Variants in ADAMTS9 observed in about 807,000 individuals in gnomAD.
ADAMTS9 encodes the protein ADAM metallopeptidase with thrombospondin type 1 motif 9.
In ADAMTS9, 107 loss-of-function variants were observed where a neutral mutation model predicts 257.1. The ratio of observed to expected loss-of-function variants is 0.42; its 90% confidence interval spans 0.36 to 0.49. ADAMTS9 has a LOEUF of 0.49. Ranked by LOEUF, ADAMTS9 falls within the 20% of genes least tolerant of loss-of-function variation. ADAMTS9 has a pLI of 0.03. For synonymous variants in ADAMTS9, 982 were observed against 880.9 expected, an observed-to-expected ratio of 1.11 and a Z score of -2.03; for missense variants, 2,353 against 2,469.1, an observed-to-expected ratio of 0.95 and a Z score of 1.00.
chr3:64,585,216 T>C (rs2084116700), intron 28 of ADAMTS9, among the ~76,000 whole-genome samples: 2 of 152,208 alleles, frequency 1.3e-5, no homozygotes, highest in African/African-American at 4.8e-5. Context: ...TTTCTTCCTC[T>C]GTCCTAGCTA....
chr3:64,687,007 T>C lies in ADAMTS9; in HGVS notation c.116-39A>G. The C allele has an allele frequency of 6.4e-7, 1 of 1,571,436 alleles. No individual in the cohort carries two copies. The highest frequency in any genetic ancestry group is 8.6e-7 in the Non-Finnish European group (1 of 1,160,406). On this transcript the variant is annotated intron_variant, in intron 1 of 39. Transcript: ENST00000498707. The surrounding 1 kb of genome is among the most constrained non-coding windows in gnomAD (Gnocchi z 4.4). ...CAGAGGTATATGAACCAATAATTCA[T>C]TTTTCCTTAAGCTTTAATTTAAAAC...
chr3:64,619,370 G>A (rs1700047838), intron 19 of ADAMTS9, among the ~76,000 whole-genome samples: 1 of 152,112 alleles, frequency 6.6e-6, no homozygotes, highest in African/African-American at 2.4e-5. Flanking sequence ...GAATCCATGA[G>A]TAACACTCAT....
chr3:64,536,598 C>A (rs925872454), intron 37 of ADAMTS9, among the ~76,000 whole-genome samples: 1 of 152,180 alleles, frequency 6.6e-6, no homozygotes, highest in Admixed American at 6.5e-5. Flanking sequence ...AGGTTCAAAT[C>A]CAGACTCTAC....
At chr3:64,609,692 G>C (rs955316002) in intron 22 of ADAMTS9, among the ~76,000 whole-genome samples, 1 of 152,066 alleles carries the variant, frequency 6.6e-6, no homozygotes, top group African/African-American at 2.4e-5. Context: ...GTATTGCTAA[G>C]GTGACAATAT....
Position 64,594,282 on chromosome 3 carries a change from T to A in ADAMTS9, c.4332A>T (p.Ala1444=), listed in dbSNP as rs1326283918. Reference sequence around the variant, plus strand: ...CCGAGCTCCAAGGGCCAGTACTCCATGCAGCGTCGTGTGGACAAGCATGTG... The same window carrying A: ...CCGAGCTCCAAGGGCCAGTACTCCAAGCAGCGTCGTGTGGACAAGCATGTG... The part of the protein sequence containing the change: ...CNTHACPHDA[A]WSTGPWSSCS... Residue 1444 remains alanine (A), a synonymous_variant, in exon 28 of 40, where the codon GCA becomes GCT. Coordinates refer to ENST00000498707, the MANE Select transcript of ADAMTS9 (RefSeq NM_182920.2). The A allele has an allele frequency of 6.2e-7, 1 of 1,613,962 alleles. No homozygotes were observed. Among genetic ancestry groups the A allele is most frequent in the Non-Finnish European group, 8.5e-7 (1 of 1,179,910 alleles).
intron 2 of ADAMTS9, chr3:64,684,939 G>A (rs1449900107): frequency 6.6e-6 from 1 of 152,142 alleles, no homozygotes; most frequent in Non-Finnish European, 1.5e-5. Flanking sequence ...TGGAATCTAG[G>A]GGCACTCCAG....
intron 30 of ADAMTS9, among the ~76,000 whole-genome samples, chr3:64,556,667 A>C (rs148343270): frequency 3.3e-4 from 50 of 152,234 alleles, no homozygotes; most frequent in Non-Finnish European, 6.6e-4. Flanking sequence ...TATTCTATAG[A>C]GTGAAAGATG....
At chr3:64,537,405 T>G (rs1326195358) in intron 37 of ADAMTS9, among the ~76,000 whole-genome samples, 2 of 152,202 alleles carry the variant, frequency 1.3e-5, no homozygotes, top group Non-Finnish European at 2.9e-5. Context: ...CCAATGGGGT[T>G]TTTGAAGCCA....
chr3:64,687,752 C>A lies in ADAMTS9; in HGVS notation c.-95G>T, dbSNP rs1701959287. 3.0e-6 allele frequency: 3 copies of A among 1,007,012 alleles called. No individual in the cohort carries two copies. The highest frequency in any genetic ancestry group is 4.1e-6 in the Non-Finnish European group (3 of 731,012). The allele number at this position is 1,007,012 out of a possible 1,614,324, so 62.4% of individuals were successfully genotyped here. On this transcript the variant is annotated 5_prime_UTR_variant, in exon 1 of 40. Transcript: ENST00000498707. The surrounding 1 kb of genome is among the most constrained non-coding windows in gnomAD (Gnocchi z 4.4). ...CGCGAGGCAGCGGCCGTGGAGAGCGCGCGGAGCCCGGCGCCCGCCGCCAAC... is the reference window on the plus strand; with the variant it reads ...CGCGAGGCAGCGGCCGTGGAGAGCGAGCGGAGCCCGGCGCCCGCCGCCAAC...
chr3:64,584,117 G>A (rs1384163600), intron 28 of ADAMTS9: 1 of 152,088 alleles, frequency 6.6e-6, no homozygotes. Context: ...TGGGCTAGGT[G>A]GGGCTTTTAT....
chr3:64,681,374 A>T lies in ADAMTS9; in HGVS notation c.517-11T>A. On this transcript the variant is annotated splice_polypyrimidine_tract_variant and intron_variant, in intron 2 of 39. Coordinates refer to ENST00000498707, the MANE Select transcript of ADAMTS9 (RefSeq NM_182920.2). ...CCGGAATGTGCCCAGCTGCAAATGA[A>T]GAGAGATGGGAGGTTGATTTAACGT... is the stretch of plus-strand genomic sequence containing the variant. 2 of 1,606,612 alleles carry T rather than the reference A, an allele frequency of 1.2e-6. No homozygotes were observed. The highest frequency in any genetic ancestry group is 8.5e-7 in the Non-Finnish European group (1 of 1,176,850).
intron 28 of ADAMTS9, among the ~76,000 whole-genome samples, chr3:64,571,121 A>G (rs2083674417): frequency 6.6e-6 from 1 of 152,210 alleles, no homozygotes; most frequent in Admixed American, 6.5e-5. Flanking sequence ...TTAGTAATCT[A>G]CTGTGGTCAT....
chr3:64,615,894 G>T, intron 20 of ADAMTS9, 66 bp downstream of exon 20: 1 of 1,587,252 alleles, frequency 6.3e-7, no homozygotes, highest in Non-Finnish European at 8.6e-7. Flanking sequence ...TTACACACCT[G>T]CAAGGAGCCA....
At chr3:64,550,493 C>G (rs1310027101) in intron 31 of ADAMTS9, 1 of 169,814 alleles carries the variant, frequency 5.9e-6, no homozygotes, top group African/African-American at 2.4e-5. Context: ...TCCCTTCACA[C>G]AGCATGTGCT....
chr3:64,543,041 A>G (rs1156821225), intron 32 of ADAMTS9, among the ~76,000 whole-genome samples: 3 of 152,234 alleles, frequency 2.0e-5, no homozygotes, highest in Non-Finnish European at 4.4e-5. Context: ...TCCTGGACAC[A>G]TACACCCTCC....
At chr3:64,603,812 T>A in intron 25 of ADAMTS9, 110 bp downstream of exon 25, 1 of 1,226,536 alleles carries the variant, frequency 8.2e-7, no homozygotes, top group South Asian at 1.4e-5. Context: ...CAAATCCAGC[T>A]CTGAAATATT....
rs778561627 is a variant in ADAMTS9 at position 64,522,234 on chromosome 3, G to A, written c.5745C>T (p.Cys1915=). 65 of 1,613,870 alleles carry A rather than the reference G, an allele frequency of 4.0e-5. No homozygotes were observed. The highest frequency in any genetic ancestry group is 3.8e-4 in the Admixed American group (23 of 59,970). The change falls in exon 39 of 40, where the codon TGC becomes TGT. Residue 1915 remains cysteine (C), a synonymous_variant. Coordinates refer to ENST00000498707, the MANE Select transcript of ADAMTS9 (RefSeq NM_182920.2). The part of the protein sequence containing the change: ...SPDGTRVVGK[C]GGYCGKCTPS... ...GAGTGCATTTTCCACAGTAACCACC[G>A]CATTTCCCTACGACTCGGGTACCAT...
chr3:64,596,226 G>T (rs2084361700), intron 27 of ADAMTS9, among the ~76,000 whole-genome samples: 1 of 152,188 alleles, frequency 6.6e-6, no homozygotes, highest in Non-Finnish European at 1.5e-5. Context: ...ACTTTTAAGA[G>T]CCAGAGCTGA....
At chr3:64,578,287 G>A (rs1226288174) in intron 28 of ADAMTS9, among the ~76,000 whole-genome samples, 2 of 145,354 alleles carry the variant, frequency 1.4e-5, no homozygotes, top group African/African-American at 5.0e-5. Flanking sequence ...CCTTCCTTTG[G>A]TTAAAAAAAA....
Sources: allele counts gnomAD v4.1 joint callset (sites outside exome capture counted in the v4.1 genomes callset), GRCh38; gene constraint gnomAD v4.1.1; non-coding constraint Gnocchi (gnomAD v3.1); transcripts MANE v1.5; gene names NCBI Gene and HGNC (gene_info 2026-07-23, HGNC 2026-07-21).